The following LRMDA variants were observed in gnomAD, a reference collection of about 807,000 sequenced individuals.
LRMDA encodes the protein leucine-rich melanocyte differentiation-associated protein.
A neutral mutation model predicts 29.8 loss-of-function variants in LRMDA; 18 were observed. That is an observed-to-expected ratio of 0.60 (90% CI 0.42 to 0.90). The LOEUF is 0.90. Among genes scored for constraint, LRMDA ranks in the 40% least tolerant of loss-of-function variants. The pLI is 0.00. For synonymous variants in LRMDA, 125 were observed against 109.4 expected (o/e 1.14, Z -0.89); for missense variants, 273 against 273.9 (o/e 1.00, Z 0.02).
chr10:76,435,402 C>A (rs1465434365), intron 6 of LRMDA, among the ~76,000 whole-genome samples: 1 of 152,204 alleles, frequency 6.6e-6, no homozygotes, highest in Non-Finnish European at 1.5e-5. Context: ...GAGGCTGATG[C>A]AGTCATCTGA....
intron 2 of LRMDA, among the ~76,000 whole-genome samples, chr10:75,791,175 C>T (rs1183157932): frequency 6.6e-6 from 1 of 152,134 alleles, no homozygotes; most frequent in African/African-American, 2.4e-5. Flanking sequence ...TAGTAAAAAT[C>T]ATACCGTCCT....
chr10:75,665,311 A>G (rs1160683523), intron 2 of LRMDA, among the ~76,000 whole-genome samples: 1 of 152,192 alleles, frequency 6.6e-6, no homozygotes, highest in East Asian at 1.9e-4. Flanking sequence ...CCACTGAGTA[A>G]CTTGACAGGT....
chr10:75,750,343 G>C (rs1052724897), intron 2 of LRMDA, among the ~76,000 whole-genome samples: 4 of 151,234 alleles, frequency 2.6e-5, no homozygotes, highest in Non-Finnish European at 4.4e-5. Context: ...TGGGCGGAGG[G>C]GCTCCTCACT....
At chr10:76,057,421 G>T (rs1848634546) in intron 4 of LRMDA, among the ~76,000 whole-genome samples, 1 of 152,210 alleles carries the variant, frequency 6.6e-6, no homozygotes, top group Non-Finnish European at 1.5e-5. Flanking sequence ...CCATTCTAAT[G>T]CCAGTTTTCA....
chr10:76,152,237 ATTC>A (rs1268144300), intron 5 of LRMDA, among the ~76,000 whole-genome samples: 1 of 152,150 alleles, frequency 6.6e-6, no homozygotes, highest in African/African-American at 2.4e-5. Context: ...AGATTTGCCT[ATTC>A]TTGGCATTTT....
chr10:75,969,803 C>T (rs1000762146), intron 2 of LRMDA, among the ~76,000 whole-genome samples: 3 of 152,166 alleles, frequency 2.0e-5, no homozygotes, highest in African/African-American at 4.8e-5. Flanking sequence ...GCTCTGAGTC[C>T]TCAGACCCAA....
intron 6 of LRMDA, among the ~76,000 whole-genome samples, chr10:76,413,663 A>G (rs1204921694): frequency 2.0e-5 from 3 of 152,194 alleles, no homozygotes; most frequent in Non-Finnish European, 4.4e-5. Flanking sequence ...TTCTCAAACT[A>G]AAAAATAGTA....
intron 5 of LRMDA, among the ~76,000 whole-genome samples, chr10:76,219,262 C>T (rs1057185733): frequency 6.6e-6 from 1 of 152,098 alleles, no homozygotes; most frequent in Non-Finnish European, 1.5e-5. Flanking sequence ...TCACACATAA[C>T]AATATTAACT....
intron 2 of LRMDA, among the ~76,000 whole-genome samples, chr10:75,627,769 T>TG (rs1157131399): frequency 6.6e-6 from 1 of 152,206 alleles, no homozygotes; most frequent in African/African-American, 2.4e-5. Context: ...GCTTCCAATC[T>TG]GGGGAAGATA....
At chr10:76,285,482 G>A (rs1840260949) in intron 5 of LRMDA, among the ~76,000 whole-genome samples, 1 of 152,096 alleles carries the variant, frequency 6.6e-6, no homozygotes, top group Admixed American at 6.6e-5. Context: ...CAGGAAGGTA[G>A]GAGGGTTTAA....
chr10:76,285,445 A>T (rs944316545), intron 5 of LRMDA, among the ~76,000 whole-genome samples: 15 of 143,462 alleles, frequency 1.0e-4, no homozygotes, highest in African/African-American at 3.6e-4. Flanking sequence ...AAAAAAAAAA[A>T]ATAGATGTAA....
At chr10:76,071,716 C>T (rs746005754) in intron 5 of LRMDA, among the ~76,000 whole-genome samples, 21 of 152,192 alleles carry the variant, frequency 1.4e-4, no homozygotes, top group Non-Finnish European at 1.9e-4. Flanking sequence ...GTAGGCCAAA[C>T]GCTCTCTTAT....
intron 6 of LRMDA, among the ~76,000 whole-genome samples, chr10:76,458,803 G>T (rs1317754436): frequency 3.9e-5 from 6 of 151,934 alleles, no homozygotes; most frequent in South Asian, 4.2e-4. Context: ...TTTTAAGGAG[G>T]TCCCTAGTAG....
rs374858860 is a variant in LRMDA at position 75,653,650 on chromosome 10, G to A, written c.131+215156G>A. Among the ~76,000 whole-genome samples, 55 of 152,318 alleles carry A rather than the reference G, an allele frequency of 3.6e-4. No homozygotes were observed. In the South Asian group the frequency reaches 6.6e-3, roughly 18 times the overall value. ...TGTGCTGTGTAACATACACATGTAC[G>A]TATGCTTCGCTAAAGAGCCATCTAG... On this transcript the variant is annotated intron_variant, in intron 2 of 6. Transcript: ENST00000611255.
At chr10:76,183,205 T>C (rs750803985) in intron 5 of LRMDA, among the ~76,000 whole-genome samples, 1 of 152,186 alleles carries the variant, frequency 6.6e-6, no homozygotes, top group Non-Finnish European at 1.5e-5. Context: ...TAGCATGAAT[T>C]CTTTAAAACT....
chr10:75,903,275 C>T (rs1393220924), intron 2 of LRMDA, among the ~76,000 whole-genome samples: 1 of 152,188 alleles, frequency 6.6e-6, no homozygotes, highest in Non-Finnish European at 1.5e-5. Flanking sequence ...ATCTGGGTAA[C>T]TGAGCACAGG....
chr10:76,418,535 G>C (rs1842042133), intron 6 of LRMDA, among the ~76,000 whole-genome samples: 1 of 151,894 alleles, frequency 6.6e-6, no homozygotes, highest in Admixed American at 6.6e-5. Context: ...TATTCTAAGA[G>C]TTTCTAGAGT....
chr10:75,632,608 G>T (rs1239014752), intron 2 of LRMDA, among the ~76,000 whole-genome samples: 2 of 151,846 alleles, frequency 1.3e-5, no homozygotes, highest in Admixed American at 6.6e-5. Flanking sequence ...GCTAAAATGT[G>T]CTGGGGATTA....
At chr10:76,414,049 G>A (rs1841990419) in intron 6 of LRMDA, among the ~76,000 whole-genome samples, 1 of 152,220 alleles carries the variant, frequency 6.6e-6, no homozygotes, top group Non-Finnish European at 1.5e-5. Flanking sequence ...CAGGCAGAAT[G>A]ACCTAAGCCC....
Sources: allele counts gnomAD v4.1 joint callset (sites outside exome capture counted in the v4.1 genomes callset), GRCh38; gene constraint gnomAD v4.1.1; transcripts MANE v1.5; gene names NCBI Gene and HGNC (gene_info 2026-07-23, HGNC 2026-07-21).